The following PPP1R13B variants were observed in gnomAD, a reference collection of about 807,000 sequenced individuals.
The protein encoded by PPP1R13B is protein phosphatase 1 regulatory subunit 13B, also known as apoptosis-stimulating of p53 protein 1.
A neutral mutation model predicts 119.8 loss-of-function variants in PPP1R13B; 44 were observed. That is an observed-to-expected ratio of 0.37 (90% CI 0.29 to 0.47). The LOEUF (loss-of-function observed/expected upper bound fraction) is 0.47, where lower values mean the gene tolerates loss of function less well. Among genes scored for constraint, PPP1R13B ranks in the 20% least tolerant of loss-of-function variants. The pLI, the probability that PPP1R13B is intolerant of heterozygous loss-of-function variation, is 0.99. For synonymous variants in PPP1R13B, 542 were observed against 561.5 expected (o/e 0.97, Z 0.49); for missense variants, 1,227 against 1,413.5 (o/e 0.87, Z 2.12).
At chr14:103,806,492 G>A (rs2086021166) in intron 1 of PPP1R13B, among the ~76,000 whole-genome samples, 1 of 152,088 alleles carries the variant, frequency 6.6e-6, no homozygotes, top group South Asian at 2.1e-4. Flanking sequence ...GATCAGTTGG[G>A]GTGAGGGTGG....
chr14:103,762,020 T>A (rs1567103152), intron 4 of PPP1R13B, among the ~76,000 whole-genome samples: 1 of 152,242 alleles, frequency 6.6e-6, no homozygotes, highest in Non-Finnish European at 1.5e-5. Context: ...TGTTTTGTTG[T>A]GCACATGTGC....
In PPP1R13B at chr14:103,847,342, C is replaced by G; in HGVS notation, c.-35G>C. ...AGTCCGCGACGCCCTCGGCCGCCGCCTGACAGGACGCTCCGCGCCGAGCTG... is the reference window on the plus strand; with the variant it reads ...AGTCCGCGACGCCCTCGGCCGCCGCGTGACAGGACGCTCCGCGCCGAGCTG... On this transcript the variant is annotated 5_prime_UTR_variant, in exon 1 of 17. Transcript: ENST00000202556. The G allele has an allele frequency of 8.1e-7, 1 of 1,229,452 alleles. No individual in the cohort carries two copies. The highest frequency in any genetic ancestry group is 1.0e-6 in the Non-Finnish European group (1 of 966,246). The allele number at this position is 1,229,452 out of a possible 1,614,324, so 76.2% of individuals were successfully genotyped here. A position where few individuals can be genotyped will look rare whatever the true frequency, so the allele number is the denominator to read the frequency against.
intron 3 of PPP1R13B, among the ~76,000 whole-genome samples, chr14:103,779,514 C>A (rs949385068): frequency 6.6e-6 from 1 of 151,646 alleles, no homozygotes; most frequent in African/African-American, 2.4e-5. Flanking sequence ...GTATTCCCAG[C>A]ACTTTGGGAG....
chr14:103,765,829 A>AAGT (rs2084924209), intron 4 of PPP1R13B, among the ~76,000 whole-genome samples: 1 of 152,138 alleles, frequency 6.6e-6, no homozygotes, highest in South Asian at 2.1e-4. Context: ...AGAGATGGGA[A>AAGT]GAACTCAGTA....
chr14:103,760,868 C>A (rs891748779), intron 4 of PPP1R13B, among the ~76,000 whole-genome samples: 1 of 152,208 alleles, frequency 6.6e-6, no homozygotes, highest in African/African-American at 2.4e-5. Flanking sequence ...TCACTGCCTT[C>A]TTTCTCCAAA....
intron 4 of PPP1R13B, among the ~76,000 whole-genome samples, chr14:103,770,532 T>C (rs898271530): frequency 4.0e-5 from 6 of 151,720 alleles, no homozygotes; most frequent in South Asian, 2.1e-4. Flanking sequence ...AAAAAATTCA[T>C]CCATATCCAT....
chr14:103,810,608 T>TA (rs199813602), intron 1 of PPP1R13B, among the ~76,000 whole-genome samples: 1,569 of 150,864 alleles, frequency 0.01, 26 homozygotes, highest in Admixed American at 0.035. Flanking sequence ...TCGTCTCTAC[T>TA]AAAAATACAA....
chr14:103,836,151 T>C (rs2086772943), intron 1 of PPP1R13B, among the ~76,000 whole-genome samples: 1 of 151,424 alleles, frequency 6.6e-6, no homozygotes, highest in Non-Finnish European at 1.5e-5. Context: ...GCTCAAGCAA[T>C]TCTCCTGCCT....
chr14:103,739,296 G>A (rs553731795), intron 12 of PPP1R13B: 12 of 443,392 alleles, frequency 2.7e-5, no homozygotes, highest in East Asian at 6.8e-5. Flanking sequence ...GCCACTCCTC[G>A]GAAGACTCTG....
chr14:103,793,488 G>T (rs924558609), intron 2 of PPP1R13B, among the ~76,000 whole-genome samples: 1 of 152,142 alleles, frequency 6.6e-6, no homozygotes, highest in Non-Finnish European at 1.5e-5. Flanking sequence ...TGTCATGATT[G>T]TAAGTTTCCT....
intron 2 of PPP1R13B, among the ~76,000 whole-genome samples, chr14:103,793,877 T>C (rs968425766): frequency 2.4e-4 from 36 of 152,230 alleles, no homozygotes; most frequent in Non-Finnish European, 4.7e-4. Flanking sequence ...TCATCTGTTG[T>C]AGTCCTGACC....
intron 15 of PPP1R13B, chr14:103,737,092 G>T (rs533670076): frequency 1.3e-5 from 2 of 152,174 alleles, no homozygotes; most frequent in Admixed American, 1.3e-4. Context: ...CAGAAGCAAG[G>T]GTACAGAACA....
chr14:103,761,771 A>G (rs985993545), intron 4 of PPP1R13B, among the ~76,000 whole-genome samples: 2 of 152,018 alleles, frequency 1.3e-5, no homozygotes, highest in Admixed American at 6.6e-5. Context: ...TCAAAAAAAA[A>G]AAAAGAAAAA....
At chr14:103,778,202 C>T (rs1286798480) in intron 4 of PPP1R13B, among the ~76,000 whole-genome samples, 4 of 138,490 alleles carry the variant, frequency 2.9e-5, no homozygotes, top group Non-Finnish European at 6.2e-5. Flanking sequence ...GATCTGCCCG[C>T]CTCGGCCTCC....
intron 3 of PPP1R13B, among the ~76,000 whole-genome samples, chr14:103,780,538 G>T (rs949822593): frequency 2.7e-5 from 4 of 149,776 alleles, no homozygotes; most frequent in African/African-American, 4.9e-5. Context: ...ATGGGGGCTG[G>T]ACGTGGTGGC....
At chr14:103,748,216 C>G (rs2084443029) in intron 8 of PPP1R13B, among the ~76,000 whole-genome samples, 1 of 152,256 alleles carries the variant, frequency 6.6e-6, no homozygotes, top group African/African-American at 2.4e-5. Flanking sequence ...TGCAGCCTCT[C>G]TCTCACATGG....
At chr14:103,802,335 C>G (rs977596979) in intron 1 of PPP1R13B, among the ~76,000 whole-genome samples, 42 of 152,026 alleles carry the variant, frequency 2.8e-4, no homozygotes, top group African/African-American at 7.0e-4. Context: ...ACAAAAAGAT[C>G]TAATAATAAA....
Position 103,741,979 on chromosome 14 carries a change from G to A in PPP1R13B, c.1633C>T (p.Pro545Ser). 1.2e-6 allele frequency: 2 copies of A among 1,614,286 alleles called. No homozygotes were observed. Among genetic ancestry groups the A allele is most frequent in the Non-Finnish European group, 8.5e-7 (1 of 1,180,050 alleles). The change falls in exon 11 of 17, where the codon CCT (proline) becomes TCT (serine). Residue 545 changes from proline to serine, a missense_variant. By Grantham distance (74) the Pro-to-Ser change is moderately conservative. Transcript: ENST00000202556. Reference protein sequence around the residue: ...PPAFPAGDSKPELPLTVAIRP... With the variant: ...PPAFPAGDSKSELPLTVAIRP... ...ATGGCCACTGTCAGTGGGAGTTCAG[G>A]CTTGCTGTCCCCAGCTGGAAATGCA...
chr14:103,749,060 C>CT (rs1314134408), intron 8 of PPP1R13B, among the ~76,000 whole-genome samples: 4 of 152,272 alleles, frequency 2.6e-5, no homozygotes, highest in Admixed American at 2.6e-4. Context: ...TATTTCTGTA[C>CT]TTAAGAGATT....
Sources: allele counts gnomAD v4.1 joint callset (sites outside exome capture counted in the v4.1 genomes callset), GRCh38; gene constraint gnomAD v4.1.1; transcripts MANE v1.5; gene names NCBI Gene and HGNC (gene_info 2026-07-23, HGNC 2026-07-21).